The following CCDC27 variants were observed in gnomAD, a reference collection of about 807,000 sequenced individuals.
The protein encoded by CCDC27 is coiled-coil domain containing 27, also known as coiled-coil domain-containing protein 27.
CCDC27 carries 80 observed loss-of-function variants against 80.3 expected under a neutral mutation model. That is an observed-to-expected ratio of 1.00 (90% CI 0.83 to 1.20). CCDC27 has a LOEUF of 1.20. Among genes scored for constraint, CCDC27 ranks in the 50% most tolerant of loss-of-function variants. CCDC27 has a pLI of 0.00. For synonymous variants in CCDC27, 342 were observed against 334.3 expected (o/e 1.02, Z -0.25); for missense variants, 815 against 809.4 (o/e 1.01, Z -0.08).
At chr1:3,756,150 G>A (rs1328075090) in intron 3 of CCDC27, 3 of 154,804 alleles carry the variant, frequency 1.9e-5, no homozygotes, top group Middle Eastern at 3.1e-3. Context: ...GACCAGCCTG[G>A]CCAAGATGGT....
chr1:3,771,463 C>A lies in CCDC27; in HGVS notation c.1911C>A (p.Pro637=), dbSNP rs1241387464. ...NQLKQKGVKV[P]PLQQSEAFLT... The stretch of plus-strand genomic sequence containing the variant: ...TGAAGCAGAAAGGCGTCAAAGTGCC[C>A]CCCCTGCAACAGTCAGAGGCCTTCC... The change falls in exon 12 of 12, where the codon CCC becomes CCA. Residue 637 remains proline (P), a synonymous_variant. Transcript: ENST00000294600. 6.2e-7 allele frequency: 1 copy of A among 1,614,010 alleles called. No homozygotes were observed. The highest frequency in any genetic ancestry group is 8.5e-7 in the Non-Finnish European group (1 of 1,179,968).
chr1:3,753,110 GAGA>G (rs1435862297), intron 1 of CCDC27, among the ~76,000 whole-genome samples: 1 of 152,136 alleles, frequency 6.6e-6, no homozygotes, highest in East Asian at 1.9e-4. Context: ...TGGCCAAGGG[GAGA>G]AGATGTACAG....
At chr1:3,765,666 T>G (rs1165018905) in intron 8 of CCDC27, among the ~76,000 whole-genome samples, 1 of 152,226 alleles carries the variant, frequency 6.6e-6, no homozygotes. Flanking sequence ...ACAGCGTTCA[T>G]CATACTGTTA....
At position 3,760,256 on chromosome 1, in the gene CCDC27, C is replaced by G. The variant is rs997580990; in HGVS notation, c.712-1025C>G. Among the ~76,000 whole-genome samples the G allele has an allele frequency of 6.6e-6, 1 of 152,130 alleles. No homozygotes were observed. The highest frequency in any genetic ancestry group is 1.5e-5 in the Non-Finnish European group (1 of 68,022). On this transcript the variant is annotated intron_variant, in intron 4 of 11. Transcript: ENST00000294600. The surrounding 1 kb of genome is among the most constrained non-coding windows in gnomAD (Gnocchi z 4.3). ...CATAAAGTGGTAAGAATCCATACTA[C>G]AAAGATTCCCATGTACTTTTCCATT...
At chr1:3,759,430 G>C (rs979081993) in intron 4 of CCDC27, among the ~76,000 whole-genome samples, 19 of 152,176 alleles carry the variant, frequency 1.2e-4, no homozygotes, top group Non-Finnish European at 2.9e-5. Flanking sequence ...TCTCATTCCC[G>C]ACGTGGCTGC....
intron 4 of CCDC27, among the ~76,000 whole-genome samples, chr1:3,757,921 C>CA (rs779579669): frequency 0.017 from 1,127 of 67,860 alleles, 12 homozygotes; most frequent in African/African-American, 0.042. Flanking sequence ...GACTCCATCT[C>CA]AAAAAAAAAA....
In CCDC27 at chr1:3,763,666, C is replaced by G; in HGVS notation, c.1322-40C>G. The G allele has an allele frequency of 6.2e-7, 1 of 1,611,776 alleles. No homozygotes were observed. Among genetic ancestry groups the G allele is most frequent in the Non-Finnish European group, 8.5e-7 (1 of 1,178,222 alleles). On this transcript the variant is annotated intron_variant, in intron 7 of 11. Transcript: ENST00000294600. This position sits in a 1 kb window ranked among gnomAD's most constrained non-coding sequence, Gnocchi z 7.5. ...CCCTCTCCTTCTGTCCCTCACTGCC[C>G]CTGCTTGCTCCTGCTCACCGCCTCT... is the stretch of plus-strand genomic sequence containing the variant.
chr1:3,763,287 G>C lies in CCDC27; in HGVS notation c.1134G>C (p.Gly378=). The change falls in exon 7 of 12, where the codon GGG becomes GGC. Residue 378 remains glycine (G), a synonymous_variant. Transcript: ENST00000294600. This position sits in a 1 kb window ranked among gnomAD's most constrained non-coding sequence, Gnocchi z 7.5. The stretch of plus-strand genomic sequence containing the variant: ...GCGAGGAGGAGGAAGAGGAGGAAGG[G>C]GACAGGGATGAGGACTCAGAGGAAA... ...EGSEEEEEEE[G]DRDEDSEERE... 6.3e-7 allele frequency: 1 copy of C among 1,598,354 alleles called. No homozygotes were observed. The highest frequency in any genetic ancestry group is 8.5e-7 in the Non-Finnish European group (1 of 1,172,034).
chr1:3,761,157 G>T lies in CCDC27; in HGVS notation c.712-124G>T. 1.8e-6 allele frequency: 2 copies of T among 1,135,794 alleles called. No homozygotes were observed. The highest frequency in any genetic ancestry group is 2.7e-4 in the Middle Eastern group (1 of 3,706). The allele number at this position is 1,135,794 out of a possible 1,614,324, so 70.4% of individuals were successfully genotyped here. The stretch of plus-strand genomic sequence containing the variant: ...CCGCAGTACCTATCTTGAAATCCCT[G>T]GGACCCTGGGGTTTTGGGGTACCAC... On this transcript the variant is annotated intron_variant, in intron 4 of 11. Transcript: ENST00000294600. This position sits in a 1 kb window ranked among gnomAD's most constrained non-coding sequence, Gnocchi z 5.0.
intron 2 of CCDC27, 48 bp from the exon 3 acceptor site, chr1:3,755,409 G>A: frequency 6.8e-7 from 1 of 1,481,244 alleles, no homozygotes; most frequent in Non-Finnish European, 9.4e-7. Flanking sequence ...AGATCTTGGG[G>A]AGACAAGACC....
rs368750481 is a variant in CCDC27, at chr1:3,757,719, C to T, written c.711+829C>T. Among the ~76,000 whole-genome samples, 43 of 152,122 alleles carry T rather than the reference C, an allele frequency of 2.8e-4. 1 individual carries two copies. The highest frequency in any genetic ancestry group is 6.7e-4 in the African/African-American group (28 of 41,522). ...AGACAGATCCACGAGGTCAGGAGAT[C>T]GAGACCATCCTGGCTAACACGCGAA... On this transcript the variant is annotated intron_variant, in intron 4 of 11. Coordinates refer to ENST00000294600, the MANE Select transcript of CCDC27 (RefSeq NM_152492.3).
In CCDC27 at chr1:3,766,408, C is replaced by A. The variant is rs1030874214; in HGVS notation, c.1453-127C>A. 7 of 623,816 alleles carry A rather than the reference C, an allele frequency of 1.1e-5. No homozygotes were observed. The highest frequency in any genetic ancestry group is 9.0e-5 in the Admixed American group (3 of 33,282). The allele number at this position is 623,816 out of a possible 1,614,324, so 38.6% of individuals were successfully genotyped here. On this transcript the variant is annotated intron_variant, in intron 8 of 11. Coordinates refer to ENST00000294600, the MANE Select transcript of CCDC27 (RefSeq NM_152492.3). The surrounding 1 kb of genome is among the most constrained non-coding windows in gnomAD (Gnocchi z 6.1). The stretch of plus-strand genomic sequence containing the variant: ...CCTTTTTCTTCTTCTCTTCTCCCTG[C>A]CTTCAATAGAAATCCCGCTGCTATT...
rs1491211867 is a variant in CCDC27 at position 3,768,087 on chromosome 1, CCT to C, written c.1743+643_1743+644del. 1.4e-5 allele frequency among the ~76,000 whole-genome samples: 2 copies of C among 148,146 alleles called. No individual in the cohort carries two copies. The highest frequency in any genetic ancestry group is 6.8e-5 in the Admixed American group (1 of 14,762). ...AAAAAGGAAATCAATAAAGAGCTGACCTTTTTTTTTTTTTTTTTTTTTTCTGA... is the reference window on the plus strand; with the variant it reads ...AAAAAGGAAATCAATAAAGAGCTGACTTTTTTTTTTTTTTTTTTTTTCTGA... On this transcript the variant is annotated intron_variant, in intron 10 of 11. Transcript: ENST00000294600. The surrounding 1 kb of genome is among the most constrained non-coding windows in gnomAD (Gnocchi z 5.6).
Position 3,761,549 on chromosome 1 carries a change from G to T in CCDC27, c.861+119G>T. ...CCCCCAGGCCCCCTGGATCCTATCA[G>T]GTCCTCACTGGAACGTGGACCGGTT... is the stretch of plus-strand genomic sequence containing the variant. On this transcript the variant is annotated intron_variant, in intron 5 of 11. Transcript: ENST00000294600. This position sits in a 1 kb window ranked among gnomAD's most constrained non-coding sequence, Gnocchi z 5.0. 8.5e-7 allele frequency: 1 copy of T among 1,176,806 alleles called. No homozygotes were observed. The highest frequency in any genetic ancestry group is 1.2e-6 in the Non-Finnish European group (1 of 846,684). The allele number at this position is 1,176,806 out of a possible 1,614,324, so 72.9% of individuals were successfully genotyped here. A position where few individuals can be genotyped will look rare whatever the true frequency, so the allele number is the denominator to read the frequency against.
chr1:3,771,115 C>T (rs1379208161), intron 11 of CCDC27, among the ~76,000 whole-genome samples: 1 of 152,170 alleles, frequency 6.6e-6, no homozygotes. Context: ...GCACCTGCCC[C>T]CGGCTCCGCA....
In CCDC27 at chr1:3,760,979, G is replaced by C. The variant is rs1472237112; in HGVS notation, c.712-302G>C. ...AGTGGGGTGCAGGGACACACCACGG[G>C]CCAGGTCCGAAAGGGAAGCTGCCTT... On this transcript the variant is annotated intron_variant, in intron 4 of 11. Coordinates refer to ENST00000294600, the MANE Select transcript of CCDC27 (RefSeq NM_152492.3). This position sits in a 1 kb window ranked among gnomAD's most constrained non-coding sequence, Gnocchi z 4.3. 6.6e-6 allele frequency among the ~76,000 whole-genome samples: 1 copy of C among 152,150 alleles called. No homozygotes were observed. The highest frequency in any genetic ancestry group is 1.5e-5 in the Non-Finnish European group (1 of 68,016).
chr1:3,770,415 G>A (rs2124599121), intron 11 of CCDC27, among the ~76,000 whole-genome samples: 1 of 152,318 alleles, frequency 6.6e-6, no homozygotes, highest in East Asian at 1.9e-4. Flanking sequence ...CTGGGCATGA[G>A]GGGGTCACCA....
rs779237041 is a variant in CCDC27, at chr1:3,752,571, A to T, written c.90A>T (p.Thr30=). Residue 30 remains threonine, a synonymous_variant, in exon 1 of 12, where the codon ACA becomes ACT. Transcript: ENST00000294600. The part of the protein sequence containing the change: ...EKPGLSSFRS[T]FRQQSSLGLC... Reference sequence around the variant, plus strand: ...CGGGCCTGTCCTCATTCAGGTCCACATTCAGGCAACAAAGCTCACTTGGTC... The same window carrying T: ...CGGGCCTGTCCTCATTCAGGTCCACTTTCAGGCAACAAAGCTCACTTGGTC... 1.9e-6 allele frequency: 3 copies of T among 1,614,086 alleles called. 1 individual carries two copies. In the South Asian group the frequency reaches 3.3e-5, roughly 18 times the overall value.
At position 3,763,083 on chromosome 1, in the gene CCDC27, A is replaced by G. The variant is rs895591318; in HGVS notation, c.955-25A>G. ...CTGGGGGTGCCCCGCAGCCCTGCCC[A>G]GCCCCTGCCCTACCCATCTTACAGA... On this transcript the variant is annotated intron_variant, in intron 6 of 11. Transcript: ENST00000294600. The surrounding 1 kb of genome is among the most constrained non-coding windows in gnomAD (Gnocchi z 7.5). 4 of 1,460,442 alleles carry G rather than the reference A, an allele frequency of 2.7e-6. No homozygotes were observed. Among genetic ancestry groups the G allele is most frequent in the South Asian group, 1.5e-5 (1 of 68,256 alleles). 90.5% of individuals were successfully genotyped at this position (1,460,442 alleles called of 1,614,324 possible).
Sources: gnomAD v4.1 joint callset for allele counts (sites outside exome capture counted in the v4.1 genomes callset) on GRCh38, gnomAD v4.1.1 for gene constraint, Gnocchi (gnomAD v3.1) non-coding constraint, MANE v1.5 for transcripts, NCBI Gene and HGNC (gene_info 2026-07-23, HGNC 2026-07-21) for gene names.